Variants in SGCZ observed in about 807,000 individuals in gnomAD.
SGCZ encodes zeta-sarcoglycan.
Under a neutral mutation model 41.3 loss-of-function variants are expected in SGCZ, and 40 were observed. The ratio of observed to expected loss-of-function variants is 0.97; its 90% CI spans 0.75 to 1.26. The LOEUF is 1.26. Among genes scored for constraint, SGCZ ranks in the 50% most tolerant of loss-of-function variants. The pLI, the probability that SGCZ is intolerant of heterozygous loss-of-function variation, is 0.00. For synonymous variants in SGCZ, 206 were observed against 137.5 expected (o/e 1.50, Z -3.49); for missense variants, 552 against 369.8 (o/e 1.49, Z -4.04).
At chr8:14,294,038 T>G (rs186556184) in intron 3 of SGCZ, among the ~76,000 whole-genome samples, 1 of 152,004 alleles carries the variant, frequency 6.6e-6, no homozygotes, top group Non-Finnish European at 1.5e-5. Context: ...GATGGTGATG[T>G]GCATATATCA....
chr8:14,823,292 A>T (rs1448983869), intron 1 of SGCZ, among the ~76,000 whole-genome samples: 2 of 152,078 alleles, frequency 1.3e-5, no homozygotes, highest in Non-Finnish European at 2.9e-5. Flanking sequence ...AAGTGATGAG[A>T]CGACATACAA....
intron 2 of SGCZ, among the ~76,000 whole-genome samples, chr8:14,384,810 C>G (rs1171894730): frequency 3.3e-5 from 5 of 152,184 alleles, no homozygotes; most frequent in Non-Finnish European, 5.9e-5. Context: ...CTTGGCTTCC[C>G]AGAGTGCTAG....
At chr8:14,504,480 C>G (rs1395727596) in intron 2 of SGCZ, among the ~76,000 whole-genome samples, 1 of 152,134 alleles carries the variant, frequency 6.6e-6, no homozygotes. Context: ...CTGCTTCACT[C>G]TATTGGTTTC....
At chr8:15,157,865 C>T (rs1374160445) in intron 1 of SGCZ, among the ~76,000 whole-genome samples, 1 of 152,208 alleles carries the variant, frequency 6.6e-6, no homozygotes, top group Non-Finnish European at 1.5e-5. Context: ...GCAAAATACC[C>T]ATTTGGCCTA....
At chr8:14,166,141 T>TAAGA (rs1203480753) in intron 4 of SGCZ, among the ~76,000 whole-genome samples, 1 of 152,154 alleles carries the variant, frequency 6.6e-6, no homozygotes, top group African/African-American at 2.4e-5. Context: ...CTATGCTAAG[T>TAAGA]AAGATTAAAA....
At chr8:14,113,396 T>C (rs1563134275) in intron 5 of SGCZ, among the ~76,000 whole-genome samples, 1 of 152,140 alleles carries the variant, frequency 6.6e-6, no homozygotes, top group Non-Finnish European at 1.5e-5. Context: ...TTTATATTTT[T>C]AATTATAACA....
intron 5 of SGCZ, among the ~76,000 whole-genome samples, chr8:14,162,216 A>T (rs1485974511): frequency 1.3e-5 from 2 of 152,200 alleles, no homozygotes; most frequent in African/African-American, 4.8e-5. Context: ...TGAAAATTCC[A>T]TGAGATCGTA....
intron 4 of SGCZ, among the ~76,000 whole-genome samples, chr8:14,192,295 T>C (rs1805128993): frequency 6.6e-6 from 1 of 152,008 alleles, no homozygotes; most frequent in Non-Finnish European, 1.5e-5. Flanking sequence ...AATACTGCTG[T>C]ATTTAATGTT....
At chr8:14,224,255 T>C (rs959538471) in intron 4 of SGCZ, among the ~76,000 whole-genome samples, 3 of 152,138 alleles carry the variant, frequency 2.0e-5, no homozygotes, top group African/African-American at 7.2e-5. Flanking sequence ...CACTAGTACA[T>C]CCAGAAATTC....
chr8:15,226,481 G>A (rs1191804043), intron 1 of SGCZ, among the ~76,000 whole-genome samples: 2 of 152,136 alleles, frequency 1.3e-5, no homozygotes, highest in Admixed American at 6.5e-5. Context: ...GTCATCATCA[G>A]CAGCAGCTAC....
intron 2 of SGCZ, among the ~76,000 whole-genome samples, chr8:14,431,952 G>C (rs554800895): frequency 1.3e-5 from 2 of 152,004 alleles, no homozygotes; most frequent in African/African-American, 4.8e-5. Context: ...TAATGATCTG[G>C]GAAATGCAAA....
chr8:14,102,679 T>TTTGA (rs1802070823), intron 6 of SGCZ, among the ~76,000 whole-genome samples, 180 bp from the exon 7 acceptor site: 1 of 152,078 alleles, frequency 6.6e-6, no homozygotes, highest in African/African-American at 2.4e-5. Flanking sequence ...CAGAACAATT[T>TTTGA]TTGATTGACG....
At chr8:14,364,112 T>C (rs77637022) in intron 2 of SGCZ, among the ~76,000 whole-genome samples, 3,110 of 152,294 alleles carry the variant, frequency 0.02, 90 homozygotes, top group African/African-American at 0.058. Context: ...ATATATAGTG[T>C]AGTTTATTTT....
chr8:15,132,248 C>T (rs1391520808), intron 1 of SGCZ, among the ~76,000 whole-genome samples: 1 of 152,088 alleles, frequency 6.6e-6, no homozygotes, highest in Admixed American at 6.5e-5. Flanking sequence ...ACTAGAAGTC[C>T]CACATTCCTC....
intron 5 of SGCZ, among the ~76,000 whole-genome samples, chr8:14,142,647 G>C (rs1362899344): frequency 6.6e-6 from 1 of 152,118 alleles, no homozygotes; most frequent in African/African-American, 2.4e-5. Context: ...AGGTGATATG[G>C]TTGGACTCTG....
At chr8:14,287,247 T>C (rs1800673912) in intron 3 of SGCZ, among the ~76,000 whole-genome samples, 1 of 151,694 alleles carries the variant, frequency 6.6e-6, no homozygotes, top group African/African-American at 2.4e-5. Flanking sequence ...TATAATTACA[T>C]AATATCAAAA....
intron 1 of SGCZ, among the ~76,000 whole-genome samples, chr8:14,580,303 A>C (rs1285692592): frequency 6.6e-6 from 1 of 152,214 alleles, no homozygotes; most frequent in African/African-American, 2.4e-5. Flanking sequence ...AGAATTGTGT[A>C]CTAATTTCTA....
intron 1 of SGCZ, among the ~76,000 whole-genome samples, chr8:14,876,537 C>T (rs114621964): frequency 6.6e-6 from 1 of 152,090 alleles, no homozygotes; most frequent in East Asian, 1.9e-4. Context: ...TGTGACTATA[C>T]TAAAAACAAC....
chr8:14,431,460 T>G (rs542243586), intron 2 of SGCZ, among the ~76,000 whole-genome samples: 6 of 116,072 alleles, frequency 5.2e-5, no homozygotes, highest in Non-Finnish European at 1.3e-4. Context: ...TATTCAACAA[T>G]TAGTGCTGGG....
Sources: gnomAD v4.1 joint callset for allele counts (sites outside exome capture counted in the v4.1 genomes callset) on GRCh38, gnomAD v4.1.1 for gene constraint, MANE v1.5 for transcripts, NCBI Gene and HGNC (gene_info 2026-07-23, HGNC 2026-07-21) for gene names.